AZU1: variants seen among roughly 807,000 people sequenced by gnomAD.
AZU1 encodes azurocidin.
Under a neutral mutation model 17.8 loss-of-function variants are expected in AZU1, and 21 were observed. The ratio of observed to expected loss-of-function variants is 1.18; its 90% CI spans 0.84 to 1.70. The LOEUF is 1.70. Among genes scored for constraint, AZU1 ranks in the 40% most tolerant of loss-of-function variants. AZU1 has a pLI of 0.00. For missense variants in AZU1, 379 were observed against 362.9 expected, an observed-to-expected ratio of 1.04 and a Z score of -0.36; for synonymous variants, 178 against 155.2, an observed-to-expected ratio of 1.15 and a Z score of -1.09.
Position 830,692 on chromosome 19 carries a change from C to G in AZU1, c.361-16C>G. On this transcript the variant is annotated splice_polypyrimidine_tract_variant and intron_variant, in intron 3 of 4. Transcript: ENST00000233997. ...TCCCCAGGGCCACCCTCCCCTGACT[C>G]CATTTCCTTCCCCAGCTGGACCGTG... 1 of 1,545,000 alleles carries G rather than the reference C, an allele frequency of 6.5e-7. No individual in the cohort carries two copies. Among genetic ancestry groups the G allele is most frequent in the Non-Finnish European group, 8.7e-7 (1 of 1,149,528 alleles).
chr19:831,624 T>C, intron 4 of AZU1, 92 bp from the exon 5 acceptor site: 3 of 1,359,214 alleles, frequency 2.2e-6, no homozygotes, highest in African/African-American at 2.9e-5. Context: ...TCAGGACTTG[T>C]AGGTTCCAGG....
intron 3 of AZU1, among the ~76,000 whole-genome samples, chr19:829,910 C>T (rs182324201): frequency 9.4e-4 from 141 of 150,298 alleles, no homozygotes; most frequent in African/African-American, 3.3e-3. Context: ...GCAACATGGC[C>T]AAACTCAGTC....
At position 829,936 on chromosome 19, in the gene AZU1, A is replaced by ATGTGTGTGTGTG. The variant is rs59995493; in HGVS notation, c.360+258_360+269dup. Among the ~76,000 whole-genome samples, 818 of 137,844 alleles carry ATGTGTGTGTGTG rather than the reference A, an allele frequency of 5.9e-3. 4 individuals are homozygous for ATGTGTGTGTGTG. The highest frequency in any genetic ancestry group is 0.01 in the South Asian group (43 of 4,100). 90.4% of individuals were successfully genotyped at this position (137,844 alleles called of 152,430 possible). ...AAACTCAGTCTCTACAAAAATATATATGTGTGTGTGTGTGTGTGTGTGTGT... is the reference window on the plus strand; with the variant it reads ...AAACTCAGTCTCTACAAAAATATATATGTGTGTGTGTGTGTGTGTGTGTGTGTGTGTGTGTGT... On this transcript the variant is annotated intron_variant, in intron 3 of 4. Transcript: ENST00000233997.
Position 829,538 on chromosome 19 carries a change from T to C in AZU1, c.216-24T>C, listed in dbSNP as rs776924761. 2.5e-5 allele frequency: 40 copies of C among 1,609,906 alleles called. 1 individual carries two copies. In the South Asian group the frequency reaches 3.8e-4, roughly 15 times the overall value. ...AGGCCCCAGCCTGGTGTCCTCCCTC[T>C]GCCCTTTCCTCCGCTACTCTCAGGA... On this transcript the variant is annotated intron_variant, in intron 2 of 4. Coordinates refer to ENST00000233997, the MANE Select transcript of AZU1 (RefSeq NM_001700.5).
At position 828,230 on chromosome 19, in the gene AZU1, G is replaced by A. The variant is rs200732632; in HGVS notation, c.59G>A (p.Gly20Asp). 4 of 1,598,502 alleles carry A rather than the reference G, an allele frequency of 2.5e-6. No individual in the cohort carries two copies. Among genetic ancestry groups the A allele is most frequent in the Admixed American group, 1.8e-5 (1 of 55,804 alleles). The change falls in exon 2 of 5, where the codon GGC becomes GAC. Residue 20 changes from glycine (G) to aspartate (D), a missense_variant and splice_region_variant. Gly to Asp is a moderately conservative substitution (Grantham distance 94, BLOSUM62 -1). Transcript: ENST00000233997. ...LAGLLASSRAGSSPLLDIVGG... is the reference protein window; with the variant it reads ...LAGLLASSRADSSPLLDIVGG... Reference sequence around the variant, plus strand: ...TCAGAGCTGTCTCCCCCCGACCCAGGCTCCAGCCCCCTTTTGGACATCGTT... The same window carrying A: ...TCAGAGCTGTCTCCCCCCGACCCAGACTCCAGCCCCCTTTTGGACATCGTT...
chr19:831,798 C>G lies in AZU1; in HGVS notation c.677C>G (p.Pro226Arg), dbSNP rs1193667506. 2 of 1,612,714 alleles carry G rather than the reference C, an allele frequency of 1.2e-6. No individual in the cohort carries two copies. Among genetic ancestry groups the G allele is most frequent in the Middle Eastern group, 1.7e-4 (1 of 6,060 alleles). Residue 226 changes from proline to arginine, a missense_variant, in exon 5 of 5, where the codon CCT becomes CGT. By Grantham distance (103) the Pro-to-Arg change is moderately radical. Transcript: ENST00000233997. ...SFSLGPCGRG[P>R]DFFTRVALFR... is the part of the protein sequence containing the mutation. ...TCCCTGGGGCCCTGTGGCCGAGGCC[C>G]TGACTTCTTCACCCGAGTGGCGCTC...
rs779809077 is a variant in AZU1, at chr19:829,581, G to C, written c.235G>C (p.Val79Leu). The change falls in exon 3 of 5, where the codon GTG becomes CTG. Residue 79 changes from valine (V) to leucine (L), a missense_variant. By Grantham distance (32) the Val-to-Leu change is conservative. Coordinates refer to ENST00000233997, the MANE Select transcript of AZU1 (RefSeq NM_001700.5). ...FQSQNPGVSTVVLGAYDLRRR... is the reference protein window; with the variant it reads ...FQSQNPGVSTLVLGAYDLRRR... The stretch of plus-strand genomic sequence containing the variant: ...TCTCAGGAACCCCGGGGTTAGCACC[G>C]TGGTGCTGGGTGCCTATGACCTGAG... 16 of 1,613,184 alleles carry C rather than the reference G, an allele frequency of 9.9e-6. No homozygotes were observed. The South Asian group carries it at 1.6e-4, about 17-fold the overall frequency.
chr19:830,609 C>A (rs1262707327), intron 3 of AZU1, 99 bp from the exon 4 acceptor site: 1 of 1,061,766 alleles, frequency 9.4e-7, no homozygotes, highest in Non-Finnish European at 1.3e-6. Context: ...AAACCACTTA[C>A]AGACTACAGT....
At chr19:830,239 A>G (rs2035271257) in intron 3 of AZU1, among the ~76,000 whole-genome samples, 1 of 152,052 alleles carries the variant, frequency 6.6e-6, no homozygotes. Context: ...CAGCCTGGGT[A>G]ACAGAGCCAG....
chr19:829,482 C>T (rs1476692820), intron 2 of AZU1, 80 bp from the exon 3 acceptor site: 2 of 1,531,044 alleles, frequency 1.3e-6, no homozygotes, highest in East Asian at 2.3e-5. Flanking sequence ...TGGGATCCCC[C>T]CTAATTTGCA....
Position 829,547 on chromosome 19 carries a change from C to T in AZU1, c.216-15C>T, listed in dbSNP as rs2035259933. On this transcript the variant is annotated splice_polypyrimidine_tract_variant and intron_variant, in intron 2 of 4. Coordinates refer to ENST00000233997, the MANE Select transcript of AZU1 (RefSeq NM_001700.5). ...CCTGGTGTCCTCCCTCTGCCCTTTC[C>T]TCCGCTACTCTCAGGAACCCCGGGG... 3.1e-6 allele frequency: 5 copies of T among 1,611,042 alleles called. No homozygotes were observed. The highest frequency in any genetic ancestry group is 4.2e-6 in the Non-Finnish European group (5 of 1,179,426).
At position 831,856 on chromosome 19, in the gene AZU1, C is replaced by T. The variant is rs558823414; in HGVS notation, c.735C>T (p.Asn245=). 44 of 1,612,468 alleles carry T rather than the reference C, an allele frequency of 2.7e-5. No homozygotes were observed. In the South Asian group the frequency reaches 4.2e-4, roughly 15 times the overall value. Residue 245 remains asparagine (N), a synonymous_variant, in exon 5 of 5, where the codon AAC becomes AAT. Coordinates refer to ENST00000233997, the MANE Select transcript of AZU1 (RefSeq NM_001700.5). The part of the protein sequence containing the change: ...FRDWIDGVLN[N]PGPGPA Reference sequence around the variant, plus strand: ...ACTGGATCGATGGTGTTCTCAACAACCCGGGACCGGGGCCAGCCTAGGGGG... The same window carrying T: ...ACTGGATCGATGGTGTTCTCAACAATCCGGGACCGGGGCCAGCCTAGGGGG...
At position 829,821 on chromosome 19, in the gene AZU1, G is replaced by C. The variant is rs190195902; in HGVS notation, c.360+115G>C. 1,285 of 1,396,828 alleles carry C rather than the reference G, an allele frequency of 9.2e-4. 8 individuals carry two copies. In the African/African-American group the frequency reaches 0.017, roughly 18 times the overall value. 86.5% of individuals were successfully genotyped at this position (1,396,828 alleles called of 1,614,324 possible). ...ATACAAAAATTAGCCGGGAGTGGTG[G>C]CGCGCACCTGTGGCCCCTGTGCTTC... On this transcript the variant is annotated intron_variant, in intron 3 of 4. Coordinates refer to ENST00000233997, the MANE Select transcript of AZU1 (RefSeq NM_001700.5).
At position 829,643 on chromosome 19, in the gene AZU1, C is replaced by CAGCAGCATGAGCG; in HGVS notation, c.300_312dup (p.Asn105GlnfsTer24). The CAGCAGCATGAGCG allele has an allele frequency of 6.2e-7, 1 of 1,613,464 alleles. No homozygotes were observed. Among genetic ancestry groups the CAGCAGCATGAGCG allele is most frequent in the South Asian group, 1.1e-5 (1 of 91,080 alleles). Reference sequence around the variant, plus strand: ...GGCAGTCCCGCCAGACGTTTTCCATCAGCAGCATGAGCGAGAATGGCTACG... The same window carrying CAGCAGCATGAGCG: ...GGCAGTCCCGCCAGACGTTTTCCATCAGCAGCATGAGCGAGCAGCATGAGCGAGAATGGCTACG... On this transcript the variant is annotated frameshift_variant, in exon 3 of 5. Coordinates refer to ENST00000233997, the MANE Select transcript of AZU1 (RefSeq NM_001700.5). LOFTEE classifies it high-confidence loss of function.
At position 830,762 on chromosome 19, in the gene AZU1, C is replaced by T; in HGVS notation, c.415C>T (p.Gln139Ter). The change falls in exon 4 of 5, where the codon CAG becomes TAG. Residue 139 changes from glutamine (Q) to a stop codon, truncating the protein, a stop_gained. Coordinates refer to ENST00000233997, the MANE Select transcript of AZU1 (RefSeq NM_001700.5). LOFTEE classifies it high-confidence loss of function. ...CGTGACGATACTGCCACTGCCTCTG[C>T]AGAACGCCACGGTGGAAGCCGGCAC... Reference protein sequence around the residue: ...SSVTILPLPLQNATVEAGTRC... With the variant: ...SSVTILPLPL 1 of 1,602,964 alleles carries T rather than the reference C, an allele frequency of 6.2e-7. No homozygotes were observed. Among genetic ancestry groups the T allele is most frequent in the Non-Finnish European group, 8.5e-7 (1 of 1,179,158 alleles).
intron 2 of AZU1, 65 bp downstream of exon 2, chr19:828,451 A>T: frequency 8.2e-7 from 1 of 1,214,882 alleles, no homozygotes; most frequent in Non-Finnish European, 1.0e-6. Flanking sequence ...TGGGGGGCTT[A>T]GGCATTCAGT....
chr19:831,130 T>C (rs1599272755), intron 4 of AZU1, 189 bp downstream of exon 4: 1 of 583,634 alleles, frequency 1.7e-6, no homozygotes. Flanking sequence ...CAGGCTGGAG[T>C]GTAGTGGCGT....
chr19:829,936 ATGTGTGTGTGTGTGTGTGTG>A (rs59995493), intron 3 of AZU1, among the ~76,000 whole-genome samples: 1 of 137,766 alleles, frequency 7.3e-6, no homozygotes, highest in Non-Finnish European at 1.5e-5. Context: ...AAAAATATAT[ATGTGTGTGTGTGTGTGTGTG>A]TGTGTGTGTG....
chr19:829,537 C>T (rs771308084), intron 2 of AZU1, 25 bp from the exon 3 acceptor site: 7 of 1,609,766 alleles, frequency 4.3e-6, no homozygotes, highest in Non-Finnish European at 5.9e-6. Context: ...TGTCCTCCCT[C>T]TGCCCTTTCC....
Sources: gnomAD v4.1 joint callset for allele counts (sites outside exome capture counted in the v4.1 genomes callset) on GRCh38, gnomAD v4.1.1 for gene constraint, MANE v1.5 for transcripts, NCBI Gene and HGNC (gene_info 2026-07-23, HGNC 2026-07-21) for gene names.